SPNS2: variants seen among roughly 807,000 people sequenced by gnomAD.
SPNS2 encodes the protein SPNS lysolipid transporter 2, sphingosine-1-phosphate, also known as sphingosine-1-phosphate transporter SPNS2.
In SPNS2, 37 loss-of-function variants were observed where a neutral mutation model predicts 57.6. That is an observed-to-expected ratio of 0.64 (90% confidence interval 0.49 to 0.85). The LOEUF is 0.85. Among genes scored for constraint, SPNS2 ranks in the 40% least tolerant of loss-of-function variants. SPNS2 has a pLI of 0.00. For synonymous variants in SPNS2, 440 were observed against 346.9 expected (o/e 1.27, Z -2.98); for missense variants, 831 against 779.1 (o/e 1.07, Z -0.79).
At chr17:4,535,518 C>T (rs1197576695) in intron 9 of SPNS2, among the ~76,000 whole-genome samples, 1 of 152,206 alleles carries the variant, frequency 6.6e-6, no homozygotes, top group Non-Finnish European at 1.5e-5. Flanking sequence ...GGGCAGAAGC[C>T]AAGGCACCCT....
intron 1 of SPNS2, among the ~76,000 whole-genome samples, chr17:4,507,010 G>C (rs1029215087): frequency 1.3e-5 from 2 of 152,202 alleles, no homozygotes; most frequent in African/African-American, 4.8e-5. Flanking sequence ...GGGTGAGTAG[G>C]AGTGAGTGTG....
At chr17:4,533,476 G>C in intron 8 of SPNS2, 44 bp downstream of exon 8, 1 of 1,539,284 alleles carries the variant, frequency 6.5e-7, no homozygotes, top group Non-Finnish European at 8.8e-7. Context: ...GCTGGGCCTG[G>C]GCCGCGGGAG....
intron 9 of SPNS2, among the ~76,000 whole-genome samples, chr17:4,535,431 T>C (rs1415673119): frequency 6.6e-6 from 1 of 152,076 alleles, no homozygotes; most frequent in East Asian, 1.9e-4. Flanking sequence ...TGAGGACAAA[T>C]GGCTGTGGCG....
In SPNS2 at chr17:4,533,256, G is replaced by T; in HGVS notation, c.1102G>T (p.Ala368Ser). The change falls in exon 8 of 13, where the codon GCC becomes TCC. Residue 368 changes from alanine (A) to serine (S), a missense_variant. Ala to Ser is a moderately conservative substitution (Grantham distance 99). Transcript: ENST00000329078. ...CTGTCCCCACAGCCTCATCTTTGGG[G>T]CCATCACCTGCTTTACGGGATTTCT... ...CGAKDSLIFG[A>S]ITCFTGFLGV... 6.2e-7 allele frequency: 1 copy of T among 1,604,120 alleles called. No homozygotes were observed. The highest frequency in any genetic ancestry group is 8.5e-7 in the Non-Finnish European group (1 of 1,174,152).
chr17:4,526,730 C>G (rs1021456538), intron 3 of SPNS2, among the ~76,000 whole-genome samples: 1 of 152,146 alleles, frequency 6.6e-6, no homozygotes, highest in Admixed American at 6.5e-5. Flanking sequence ...TGTGGCAGTG[C>G]TGAGCTCTGG....
At chr17:4,506,594 C>T (rs573831466) in intron 1 of SPNS2, among the ~76,000 whole-genome samples, 2 of 152,334 alleles carry the variant, frequency 1.3e-5, no homozygotes, top group East Asian at 3.9e-4. Flanking sequence ...CAGCCCGGCC[C>T]CGCCCACTCT....
At position 4,519,294 on chromosome 17, in the gene SPNS2, C is replaced by T. The variant is rs190615525; in HGVS notation, c.437-5763C>T. On this transcript the variant is annotated intron_variant, in intron 2 of 12. Coordinates refer to ENST00000329078, the MANE Select transcript of SPNS2 (RefSeq NM_001124758.3). ...CTTGCCCTTTCCTGCTCCAAAACTG[C>T]TTTCTGGGGTCATACAGGCCATGTG... Among the ~76,000 whole-genome samples, 510 of 152,366 alleles carry T rather than the reference C, an allele frequency of 3.3e-3. 4 individuals carry two copies. The highest frequency in any genetic ancestry group is 0.012 in the African/African-American group (479 of 41,598).
At chr17:4,518,621 T>C (rs866677211) in intron 2 of SPNS2, among the ~76,000 whole-genome samples, 12 of 152,180 alleles carry the variant, frequency 7.9e-5, no homozygotes, top group Non-Finnish European at 1.5e-4. Flanking sequence ...AGCTGAAGGC[T>C]ACTCAGGGCC....
At chr17:4,507,155 C>T (rs927197617) in intron 1 of SPNS2, among the ~76,000 whole-genome samples, 4 of 152,198 alleles carry the variant, frequency 2.6e-5, no homozygotes, top group Non-Finnish European at 5.9e-5. Context: ...TCTCAGGCCC[C>T]TGTAATTACC....
chr17:4,512,873 G>A lies in SPNS2; in HGVS notation c.371-374G>A, dbSNP rs1390466906. Among the ~76,000 whole-genome samples the A allele has an allele frequency of 6.6e-6, 1 of 152,196 alleles. No homozygotes were observed. The highest frequency in any genetic ancestry group is 2.4e-5 in the African/African-American group (1 of 41,448). On this transcript the variant is annotated intron_variant, in intron 1 of 12. Transcript: ENST00000329078. The surrounding 1 kb of genome is among the most constrained non-coding windows in gnomAD (Gnocchi z 5.2). The stretch of plus-strand genomic sequence containing the variant: ...GGGCCCCCGCTGCTCTCTGAGTCAT[G>A]GGCTTTGTGTTCCCCCTGAGGGAAA...
Position 4,532,596 on chromosome 17 carries a change from G to A in SPNS2, c.847G>A (p.Ala283Thr). 1 of 1,614,182 alleles carries A rather than the reference G, an allele frequency of 6.2e-7. No individual in the cohort carries two copies. The highest frequency in any genetic ancestry group is 8.5e-7 in the Non-Finnish European group (1 of 1,180,046). Residue 283 changes from alanine (A) to threonine (T), a missense_variant, in exon 6 of 13, where the codon GCC becomes ACC. This residue lies in a region of SPNS2 where 526 missense variants were observed against 400.9 expected (regional missense o/e 1.31). Transcript: ENST00000329078. ...TGTLILILVP[A>T]TKRGHADQLG... ...AACACTCATCCTCATTCTGGTCCCA[G>A]CCACTAAAAGGGGTCATGCCGACCA...
At chr17:4,536,011 C>A in intron 9 of SPNS2, 65 bp from the exon 10 acceptor site, 1 of 1,444,800 alleles carries the variant, frequency 6.9e-7, no homozygotes, top group South Asian at 1.2e-5. Flanking sequence ...TGCCACGGCC[C>A]GGGGCCAGGG....
chr17:4,536,101 C>A lies in SPNS2; in HGVS notation c.1370C>A (p.Ala457Asp), dbSNP rs777545206. 6 of 1,612,258 alleles carry A rather than the reference C, an allele frequency of 3.7e-6. No homozygotes were observed. The highest frequency in any genetic ancestry group is 8.5e-7 in the Non-Finnish European group (1 of 1,179,780). ...TACGTGGTCATCCCCACGCGGCGCG[C>A]CACTGCCGTGGCCTTGCAGAGCTTC... is the stretch of plus-strand genomic sequence containing the variant. ...LMYVVIPTRR[A>D]TAVALQSFTS... The change falls in exon 10 of 13, where the codon GCC (alanine) becomes GAC (aspartate). Residue 457 changes from alanine (A) to aspartate (D), a missense_variant. Transcript: ENST00000329078.
chr17:4,506,387 C>G (rs1478905301), intron 1 of SPNS2, among the ~76,000 whole-genome samples: 1 of 152,200 alleles, frequency 6.6e-6, no homozygotes, highest in African/African-American at 2.4e-5. Flanking sequence ...GCCACACCCC[C>G]TGTGGGTCAC....
chr17:4,509,772 C>G (rs1434156876), intron 1 of SPNS2, among the ~76,000 whole-genome samples: 1 of 152,232 alleles, frequency 6.6e-6, no homozygotes, highest in Non-Finnish European at 1.5e-5. Context: ...TGATGAGAAC[C>G]CTGTGGCTAG....
At position 4,536,885 on chromosome 17, in the gene SPNS2, C is replaced by A. The variant is rs775184647; in HGVS notation, c.1608-15C>A. ...GCTGATGCACCACCCTGACCCCCGC[C>A]CGTCTCTCCCCCAGGGTGAACCAGC... is the stretch of plus-strand genomic sequence containing the variant. On this transcript the variant is annotated splice_polypyrimidine_tract_variant and intron_variant, in intron 11 of 12. Coordinates refer to ENST00000329078, the MANE Select transcript of SPNS2 (RefSeq NM_001124758.3). 1 of 1,613,054 alleles carries A rather than the reference C, an allele frequency of 6.2e-7. No individual in the cohort carries two copies. The highest frequency in any genetic ancestry group is 8.5e-7 in the Non-Finnish European group (1 of 1,179,670).
At chr17:4,533,877 C>G (rs1334936713) in intron 9 of SPNS2, 24 bp downstream of exon 9, 1 of 1,610,178 alleles carries the variant, frequency 6.2e-7, no homozygotes, top group South Asian at 1.1e-5. Context: ...GCCGAGGTCA[C>G]CTTGTGCTGC....
At chr17:4,502,174 G>A (rs973379296) in intron 1 of SPNS2, among the ~76,000 whole-genome samples, 2 of 151,496 alleles carry the variant, frequency 1.3e-5, no homozygotes, top group Non-Finnish European at 2.9e-5. Context: ...TCGGAAGTTC[G>A]AGACCAGCCT....
intron 1 of SPNS2, among the ~76,000 whole-genome samples, chr17:4,505,995 G>A (rs1485890488): frequency 6.6e-6 from 1 of 152,220 alleles, no homozygotes; most frequent in Non-Finnish European, 1.5e-5. Flanking sequence ...CTGTGCCTGG[G>A]GAGAGGTGGG....
Sources: gnomAD v4.1 joint callset for allele counts (sites outside exome capture counted in the v4.1 genomes callset) on GRCh38, gnomAD v4.1.1 for gene constraint, gnomAD v4.1.1 regional missense constraint, Gnocchi (gnomAD v3.1) non-coding constraint, MANE v1.5 for transcripts, NCBI Gene and HGNC (gene_info 2026-07-23, HGNC 2026-07-21) for gene names.